Variants in EXOC4 observed in about 807,000 individuals in gnomAD.
The protein encoded by EXOC4 is exocyst complex component 4.
Under a neutral mutation model 107.2 loss-of-function variants are expected in EXOC4, and 71 were observed. The ratio of observed to expected loss-of-function variants is 0.66; its 90% confidence interval spans 0.55 to 0.81. EXOC4 has a LOEUF of 0.81. Among genes scored for constraint, EXOC4 ranks in the 30% least tolerant of loss-of-function variants. EXOC4 has a pLI of 0.00. For synonymous variants in EXOC4, 456 were observed against 441.2 expected (o/e 1.03, Z -0.42); for missense variants, 1,108 against 1,189.6 (o/e 0.93, Z 1.01).
At chr7:133,340,502 C>T (rs1795636747) in intron 5 of EXOC4, among the ~76,000 whole-genome samples, 1 of 150,796 alleles carries the variant, frequency 6.6e-6, no homozygotes, top group South Asian at 2.1e-4. Flanking sequence ...TCTGTTAGGC[C>T]CTTTCCTGGT....
chr7:133,773,335 GA>G (rs1003635701), intron 10 of EXOC4, among the ~76,000 whole-genome samples: 3 of 151,958 alleles, frequency 2.0e-5, no homozygotes, highest in African/African-American at 7.2e-5. Context: ...ATTACCTGGA[GA>G]ATGTTTTAAA....
intron 5 of EXOC4, among the ~76,000 whole-genome samples, chr7:133,325,202 CCATTTA>C (rs1338597122): frequency 6.6e-6 from 1 of 152,126 alleles, no homozygotes. Context: ...AGCATTTAGC[CCATTTA>C]CATTCAAGGG....
intron 11 of EXOC4, among the ~76,000 whole-genome samples, chr7:133,834,567 G>A (rs906014343): frequency 6.6e-6 from 1 of 152,190 alleles, no homozygotes; most frequent in Non-Finnish European, 1.5e-5. Context: ...GTTTTTCTAA[G>A]AATCCTTTGT....
At chr7:133,500,877 G>T (rs1256376885) in intron 9 of EXOC4, among the ~76,000 whole-genome samples, 1 of 152,080 alleles carries the variant, frequency 6.6e-6, no homozygotes, top group Non-Finnish European at 1.5e-5. Flanking sequence ...ACACAAATGT[G>T]GATTCAGGCC....
rs577391176 is a variant in EXOC4 at position 133,436,193 on chromosome 7, A to G, written c.1183-39135A>G. 8.5e-5 allele frequency among the ~76,000 whole-genome samples: 13 copies of G among 152,232 alleles called. No homozygotes were observed. The South Asian group carries it at 2.7e-3, about 32-fold the overall frequency. On this transcript the variant is annotated intron_variant, in intron 7 of 17. Transcript: ENST00000253861. ...AAACTAACGATATGAACTGTATCAA[A>G]CCCAGAGTGGCGTGGGCCTTCCTTG...
chr7:133,936,138 C>G (rs1800294011), intron 13 of EXOC4, among the ~76,000 whole-genome samples: 1 of 152,180 alleles, frequency 6.6e-6, no homozygotes, highest in African/African-American at 2.4e-5. Flanking sequence ...CAGGGCCCCA[C>G]CCCAAGACCT....
At chr7:133,584,659 G>A (rs1801359856) in intron 9 of EXOC4, among the ~76,000 whole-genome samples, 1 of 134,562 alleles carries the variant, frequency 7.4e-6, no homozygotes, top group South Asian at 2.5e-4. Context: ...GCTTACCGAA[G>A]CCTCTGCCTC....
At chr7:133,450,485 T>A (rs1185547957) in intron 7 of EXOC4, among the ~76,000 whole-genome samples, 2 of 152,162 alleles carry the variant, frequency 1.3e-5, no homozygotes, top group Non-Finnish European at 2.9e-5. Context: ...AAATGTATCT[T>A]TTCCTCACTT....
At chr7:133,320,496 G>T (rs142872766) in intron 5 of EXOC4, among the ~76,000 whole-genome samples, 2 of 151,874 alleles carry the variant, frequency 1.3e-5, no homozygotes, top group African/African-American at 2.4e-5. Context: ...TTAAGGACTC[G>T]TGATTAGATT....
chr7:133,981,958 A>G (rs1793991191), intron 14 of EXOC4, among the ~76,000 whole-genome samples: 1 of 152,260 alleles, frequency 6.6e-6, no homozygotes, highest in Non-Finnish European at 1.5e-5. Context: ...TTGATGGAAC[A>G]TGGATGGATC....
chr7:133,971,959 G>C (rs1291464173), intron 14 of EXOC4, among the ~76,000 whole-genome samples: 2 of 152,126 alleles, frequency 1.3e-5, no homozygotes, highest in East Asian at 3.9e-4. Context: ...GAGGAATCCA[G>C]GGGTCTCAAG....
At chr7:133,310,064 G>A (rs1410092508) in intron 4 of EXOC4, among the ~76,000 whole-genome samples, 1 of 152,196 alleles carries the variant, frequency 6.6e-6, no homozygotes, top group Non-Finnish European at 1.5e-5. Context: ...AGAAAGGAAT[G>A]CTGAATTCTT....
intron 10 of EXOC4, among the ~76,000 whole-genome samples, chr7:133,672,854 C>A (rs981477381): frequency 5.3e-5 from 8 of 152,294 alleles, no homozygotes; most frequent in Admixed American, 1.3e-4. Context: ...CCAGTCTTAT[C>A]CCAGGCCCTA....
intron 7 of EXOC4, among the ~76,000 whole-genome samples, chr7:133,428,935 A>G (rs1403872920): frequency 3.9e-5 from 6 of 152,116 alleles, no homozygotes. Context: ...TATGAATGTT[A>G]TACATATGTG....
chr7:133,365,669 T>C (rs998496214), intron 6 of EXOC4, among the ~76,000 whole-genome samples: 2 of 152,206 alleles, frequency 1.3e-5, no homozygotes, highest in Non-Finnish European at 2.9e-5. Context: ...TGAAGACTTA[T>C]TAATAAGTGG....
intron 6 of EXOC4, among the ~76,000 whole-genome samples, chr7:133,367,361 AAGAC>A (rs986363476): frequency 6.6e-6 from 1 of 152,112 alleles, no homozygotes; most frequent in Non-Finnish European, 1.5e-5. Context: ...GAGCCAGTGG[AAGAC>A]AGTGTTTCAA....
chr7:133,274,878 G>C, intron 1 of EXOC4, 104 bp from the exon 2 acceptor site: 1 of 856,822 alleles, frequency 1.2e-6, no homozygotes, highest in Non-Finnish European at 1.7e-6. Flanking sequence ...TTAATAAGAT[G>C]AATGTGCTTC....
chr7:133,678,622 C>A (rs879771233), intron 10 of EXOC4, among the ~76,000 whole-genome samples: 1 of 135,962 alleles, frequency 7.4e-6, no homozygotes, highest in Non-Finnish European at 1.6e-5. Flanking sequence ...TTTTTTTCTT[C>A]TTTGTTGAGA....
At chr7:133,707,264 A>C (rs999091330) in intron 10 of EXOC4, among the ~76,000 whole-genome samples, 10 of 152,124 alleles carry the variant, frequency 6.6e-5, no homozygotes, top group African/African-American at 2.2e-4. Context: ...CATGTCTATA[A>C]TCCCAGCTAC....
Sources: gnomAD v4.1 joint callset for allele counts (sites outside exome capture counted in the v4.1 genomes callset) on GRCh38, gnomAD v4.1.1 for gene constraint, MANE v1.5 for transcripts, NCBI Gene and HGNC (gene_info 2026-07-23, HGNC 2026-07-21) for gene names.